The following INPP5A variants were observed in gnomAD, a reference collection of about 807,000 sequenced individuals.
INPP5A encodes 43 kDa inositol polyphosphate 5-phophatase.
Under a neutral mutation model 65.2 loss-of-function variants are expected in INPP5A, and 14 were observed. The observed-to-expected ratio is 0.21, with a 90% CI of 0.14 to 0.34. INPP5A has a LOEUF of 0.34. Among genes scored for constraint, INPP5A ranks in the 10% least tolerant of loss-of-function variants. INPP5A has a pLI of 1.00. For missense variants in INPP5A, 431 were observed against 545.6 expected, an observed-to-expected ratio of 0.79 and a Z score of 2.09; for synonymous variants, 207 against 208.3, an observed-to-expected ratio of 0.99 and a Z score of 0.05.
chr10:132,725,233 C>T (rs946418915), intron 8 of INPP5A, among the ~76,000 whole-genome samples: 1 of 152,246 alleles, frequency 6.6e-6, no homozygotes, highest in South Asian at 2.1e-4. Context: ...TGAACTCCTA[C>T]GCTCCATAGC....
rs2070995109 is a variant in INPP5A, at chr10:132,547,618, A to G, written c.75+9447A>G. ...CTCCCATCTCCTCCTTCTCTACCCA[A>G]GCGCCCGTGGCCTGAACAGGACTTG... On this transcript the variant is annotated intron_variant, in intron 1 of 15. Transcript: ENST00000368594. This position sits in a 1 kb window ranked among gnomAD's most constrained non-coding sequence, Gnocchi z 5.5. Among the ~76,000 whole-genome samples, 1 of 151,974 alleles carries G rather than the reference A, an allele frequency of 6.6e-6. No homozygotes were observed. The highest frequency in any genetic ancestry group is 1.5e-5 in the Non-Finnish European group (1 of 67,972).
rs57172206 is a variant in INPP5A, at chr10:132,778,302, ATTTTTTTTTTT to A, written c.1089+540_1089+550del. ...CTGTGATTTTTTTTTTTTAATAATA[ATTTTTTTTTTT>A]TTTTTTTTTTTTTTTTTTTACAAAA... On this transcript the variant is annotated intron_variant, in intron 13 of 15. Coordinates refer to ENST00000368594, the MANE Select transcript of INPP5A (RefSeq NM_005539.5). Among the ~76,000 whole-genome samples the A allele has an allele frequency of 3.5e-3, 257 of 72,970 alleles. 2 individuals carry two copies. The highest frequency in any genetic ancestry group is 0.02 in the African/African-American group (250 of 12,680). The allele number at this position is 72,970 out of a possible 152,430, so 47.9% of individuals were successfully genotyped here. A position where few individuals can be genotyped will look rare whatever the true frequency, so the allele number is the denominator to read the frequency against.
At chr10:132,552,944 T>G (rs2071074817) in intron 1 of INPP5A, among the ~76,000 whole-genome samples, 11 of 105,244 alleles carry the variant, frequency 1.0e-4, no homozygotes, top group Non-Finnish European at 1.6e-4. Flanking sequence ...AGAGCCTTGG[T>G]GGAATATTGG....
At chr10:132,608,798 G>T (rs1011298299) in intron 2 of INPP5A, among the ~76,000 whole-genome samples, 9 of 152,230 alleles carry the variant, frequency 5.9e-5, no homozygotes, top group Admixed American at 5.9e-4. Flanking sequence ...TGTTTCAGGT[G>T]TGTTTGGCTG....
At chr10:132,632,420 G>A (rs1345248072) in intron 2 of INPP5A, among the ~76,000 whole-genome samples, 1 of 152,202 alleles carries the variant, frequency 6.6e-6, no homozygotes, top group Non-Finnish European at 1.5e-5. Context: ...ACCTCACTCT[G>A]TCCAGCCTGT....
In INPP5A at chr10:132,537,836, A is replaced by T. The variant is rs995326104; in HGVS notation, c.-261A>T. ...GCGGCTGCGGGAACTTTCCCAGCGG[A>T]TCTAATGGCTGCGCGCGGGCCGCTG... On this transcript the variant is annotated 5_prime_UTR_variant, in exon 1 of 16. Transcript: ENST00000368594. 23 of 358,618 alleles carry T rather than the reference A, an allele frequency of 6.4e-5. No individual in the cohort carries two copies. The highest frequency in any genetic ancestry group is 4.7e-4 in the African/African-American group (22 of 46,600). 22.2% of individuals were successfully genotyped at this position (358,618 alleles called of 1,614,324 possible). A position where few individuals can be genotyped will look rare whatever the true frequency, so the allele number is the denominator to read the frequency against.
At chr10:132,685,275 G>C (rs536545091) in intron 4 of INPP5A, among the ~76,000 whole-genome samples, 4 of 152,234 alleles carry the variant, frequency 2.6e-5, no homozygotes, top group South Asian at 4.1e-4. Context: ...TGCAGTGGCA[G>C]GCTCCACAGA....
intron 2 of INPP5A, 89 bp downstream of exon 2, chr10:132,608,045 G>A (rs1401925511): frequency 9.2e-6 from 11 of 1,202,056 alleles, no homozygotes; most frequent in Non-Finnish European, 1.1e-5. Context: ...GGAGTCTGGT[G>A]TGTCTATGGG....
intron 2 of INPP5A, among the ~76,000 whole-genome samples, chr10:132,626,061 A>T (rs991778799): frequency 2.0e-5 from 3 of 152,132 alleles, no homozygotes; most frequent in African/African-American, 7.2e-5. Context: ...GGTACCACAG[A>T]TCCGTTTTTC....
At position 132,637,781 on chromosome 10, in the gene INPP5A, A is replaced by G. The variant is rs897951884; in HGVS notation, c.118-8087A>G. Among the ~76,000 whole-genome samples the G allele has an allele frequency of 2.0e-5, 3 of 151,856 alleles. No individual in the cohort carries two copies. The highest frequency in any genetic ancestry group is 4.4e-5 in the Non-Finnish European group (3 of 67,986). On this transcript the variant is annotated intron_variant, in intron 2 of 15. Transcript: ENST00000368594. The surrounding 1 kb of genome is among the most constrained non-coding windows in gnomAD (Gnocchi z 4.1). ...CATCTCTGATGTGAGGTGGTTTTTC[A>G]TATTCTCGACTGCTTGAGTAGATTT...
At chr10:132,760,274 A>G (rs1453316893) in intron 11 of INPP5A, among the ~76,000 whole-genome samples, 2 of 152,192 alleles carry the variant, frequency 1.3e-5, no homozygotes. Flanking sequence ...CAGGGCCAGC[A>G]CCGAGGACTG....
chr10:132,599,243 A>G (rs1007146048), intron 1 of INPP5A, among the ~76,000 whole-genome samples: 2 of 152,234 alleles, frequency 1.3e-5, no homozygotes, highest in Admixed American at 1.3e-4. Flanking sequence ...AAAGCAAGCT[A>G]GTTACTTCCT....
chr10:132,699,607 G>C (rs1383223640), intron 6 of INPP5A, among the ~76,000 whole-genome samples: 3 of 152,120 alleles, frequency 2.0e-5, no homozygotes, highest in Non-Finnish European at 4.4e-5. Context: ...GAGCCCATAG[G>C]GAGCCCCATA....
intron 4 of INPP5A, among the ~76,000 whole-genome samples, chr10:132,685,535 G>A (rs986613689): frequency 6.6e-6 from 1 of 152,280 alleles, no homozygotes; most frequent in Non-Finnish European, 1.5e-5. Context: ...CCAGGTTAAT[G>A]ATGTGTGCTT....
chr10:132,567,323 A>G (rs1270798459), intron 1 of INPP5A, among the ~76,000 whole-genome samples: 1 of 152,300 alleles, frequency 6.6e-6, no homozygotes, highest in East Asian at 1.9e-4. Flanking sequence ...TCATTTATTA[A>G]TTTTTTGAGA....
chr10:132,540,147 A>G (rs1393684336), intron 1 of INPP5A, among the ~76,000 whole-genome samples: 2 of 152,240 alleles, frequency 1.3e-5, no homozygotes, highest in African/African-American at 2.4e-5. Flanking sequence ...CAGAAATGTC[A>G]GGAGCATTAA....
At chr10:132,732,324 G>A (rs771862836) in intron 9 of INPP5A, among the ~76,000 whole-genome samples, 2 of 152,254 alleles carry the variant, frequency 1.3e-5, no homozygotes, top group Non-Finnish European at 2.9e-5. Context: ...TCCTGCCCAC[G>A]TGGCTCTTTA....
At chr10:132,580,597 G>A (rs1337092066) in intron 1 of INPP5A, among the ~76,000 whole-genome samples, 1 of 152,174 alleles carries the variant, frequency 6.6e-6, no homozygotes, top group East Asian at 1.9e-4. Context: ...CACAGGAAGG[G>A]CCCTAGAGAT....
intron 3 of INPP5A, among the ~76,000 whole-genome samples, chr10:132,648,196 G>C (rs1167635382): frequency 1.3e-5 from 2 of 152,270 alleles, no homozygotes; most frequent in Non-Finnish European, 1.5e-5. Flanking sequence ...GAGAGAAAGT[G>C]GGGGTGCACC....
Sources: allele counts gnomAD v4.1 joint callset (sites outside exome capture counted in the v4.1 genomes callset), GRCh38; gene constraint gnomAD v4.1.1; non-coding constraint Gnocchi (gnomAD v3.1); transcripts MANE v1.5; gene names NCBI Gene and HGNC (gene_info 2026-07-23, HGNC 2026-07-21).